Variants in FRMD4B observed in about 807,000 individuals in gnomAD.
FRMD4B encodes the protein FERM domain-containing protein 4B.
FRMD4B carries 74 observed loss-of-function variants against 141.5 expected under a neutral mutation model. That is an observed-to-expected ratio of 0.52 (90% confidence interval 0.43 to 0.63). The LOEUF (loss-of-function observed/expected upper bound fraction) is 0.63. FRMD4B is among the 30% of genes least tolerant of loss of function. The probability of loss-of-function intolerance (pLI) is 0.00; values close to 1 mark genes in which losing one functional copy is unlikely to be tolerated. For synonymous variants in FRMD4B, 506 were observed against 467.9 expected (o/e 1.08, Z -1.05); for missense variants, 1,366 against 1,253.4 (o/e 1.09, Z -1.36).
At chr3:69,370,262 C>T (rs1046717104) in intron 1 of FRMD4B, among the ~76,000 whole-genome samples, 12 of 152,016 alleles carry the variant, frequency 7.9e-5, no homozygotes, top group African/African-American at 1.2e-4. Context: ...AGAGAGCAAA[C>T]GGTCTGAAAT....
chr3:69,317,636 T>C (rs1268439738), intron 1 of FRMD4B, among the ~76,000 whole-genome samples: 1 of 150,578 alleles, frequency 6.6e-6, no homozygotes, highest in Non-Finnish European at 1.5e-5. Flanking sequence ...GCATCTGTAA[T>C]CCCAGCTACT....
intron 7 of FRMD4B, among the ~76,000 whole-genome samples, chr3:69,227,514 T>C (rs1056376315): frequency 2.6e-5 from 4 of 151,926 alleles, no homozygotes; most frequent in Non-Finnish European, 4.4e-5. Flanking sequence ...ATACAAAAAT[T>C]AGCCTGCTGT....
At chr3:69,420,552 C>A (rs1704957470) in intron 2 of FRMD4B, among the ~76,000 whole-genome samples, 1 of 151,994 alleles carries the variant, frequency 6.6e-6, no homozygotes, top group South Asian at 2.1e-4. Flanking sequence ...TATGCTAAAC[C>A]CCCTATTTCT....
intron 2 of FRMD4B, among the ~76,000 whole-genome samples, chr3:69,407,073 C>T (rs1038062929): frequency 6.6e-6 from 1 of 151,880 alleles, no homozygotes; most frequent in Admixed American, 6.6e-5. Context: ...AGTATTTGCA[C>T]CAGTGTTTGA....
chr3:69,310,871 G>T (rs1482641337), intron 3 of FRMD4B, among the ~76,000 whole-genome samples: 1 of 152,038 alleles, frequency 6.6e-6, no homozygotes, highest in Non-Finnish European at 1.5e-5. Flanking sequence ...CCACAAATTT[G>T]CCTTTAAGCT....
chr3:69,172,894 GGAA>G (rs1030685422), intron 22 of FRMD4B, among the ~76,000 whole-genome samples: 1 of 151,804 alleles, frequency 6.6e-6, no homozygotes, highest in African/African-American at 2.4e-5. Flanking sequence ...TAAAGTCTTT[GGAA>G]GAAGAGCTTT....
chr3:69,426,429 C>T (rs754048273), intron 2 of FRMD4B, among the ~76,000 whole-genome samples: 33 of 152,078 alleles, frequency 2.2e-4, no homozygotes, highest in East Asian at 5.8e-4. Flanking sequence ...AAGGAATTTA[C>T]GACTTAGCCT....
intron 5 of FRMD4B, among the ~76,000 whole-genome samples, chr3:69,262,459 CTTTTTTTTTTTTT>C (rs71618271): frequency 8.1e-5 from 7 of 86,854 alleles, no homozygotes; most frequent in Admixed American, 1.4e-4. Context: ...ACACAAATGA[CTTTTTTTTTTTTT>C]TTTTTTTTTT....
At chr3:69,435,421 G>A (rs1465487875) in intron 1 of FRMD4B, among the ~76,000 whole-genome samples, 1 of 151,784 alleles carries the variant, frequency 6.6e-6, no homozygotes, top group East Asian at 1.9e-4. Flanking sequence ...TGTAAACCAA[G>A]CATCACAAGA....
At chr3:69,503,851 A>C (rs995752392) in intron 1 of FRMD4B, among the ~76,000 whole-genome samples, 2 of 152,194 alleles carry the variant, frequency 1.3e-5, no homozygotes, top group African/African-American at 4.8e-5. Context: ...CACCCATTAC[A>C]GCCTCACTGT....
At chr3:69,191,120 C>G (rs1017673561) in intron 17 of FRMD4B, among the ~76,000 whole-genome samples, 12 of 152,192 alleles carry the variant, frequency 7.9e-5, no homozygotes, top group Non-Finnish European at 1.8e-4. Flanking sequence ...TGGTATCCAT[C>G]AAATGTTAAA....
At chr3:69,518,197 T>A (rs1006333133) in intron 1 of FRMD4B, among the ~76,000 whole-genome samples, 7 of 152,198 alleles carry the variant, frequency 4.6e-5, no homozygotes, top group Non-Finnish European at 7.3e-5. Flanking sequence ...GTCAATTTCA[T>A]CAAATTATAT....
chr3:69,175,476 G>A (rs2092634242), intron 22 of FRMD4B, among the ~76,000 whole-genome samples: 1 of 152,134 alleles, frequency 6.6e-6, no homozygotes, highest in South Asian at 2.1e-4. Context: ...CAGACAAACA[G>A]GACAGCTGGC....
chr3:69,490,498 T>C (rs1029867679), intron 1 of FRMD4B, among the ~76,000 whole-genome samples: 2 of 152,172 alleles, frequency 1.3e-5, no homozygotes, highest in African/African-American at 4.8e-5. Flanking sequence ...GGTGCTTCCT[T>C]CTACTTGAAA....
chr3:69,437,515 G>A (rs1394211739), intron 1 of FRMD4B, among the ~76,000 whole-genome samples: 6 of 143,906 alleles, frequency 4.2e-5, no homozygotes, highest in Non-Finnish European at 7.5e-5. Context: ...ACTGTTATAT[G>A]TAGTATGTAT....
intron 1 of FRMD4B, among the ~76,000 whole-genome samples, chr3:69,517,058 T>C (rs908475227): frequency 1.3e-5 from 2 of 152,120 alleles, no homozygotes; most frequent in African/African-American, 2.4e-5. Flanking sequence ...TCTTTACACA[T>C]GAGGCCTTTG....
In FRMD4B at chr3:69,181,523, C is replaced by G. The variant is rs1410778307; in HGVS notation, c.2227G>C (p.Val743Leu). 6.2e-7 allele frequency: 1 copy of G among 1,613,826 alleles called. No homozygotes were observed. Residue 743 changes from valine to leucine, a missense_variant, in exon 21 of 23, where the codon GTG becomes CTG. Physicochemically the swap from Val to Leu is conservative, Grantham distance 32. Coordinates refer to ENST00000398540, the MANE Select transcript of FRMD4B (RefSeq NM_015123.3). ...TAATAGGGGCCGGTAACTGGTGTCA[C>G]ACAGTAATACTCTGTGCTTGATTGG... is the stretch of plus-strand genomic sequence containing the variant. ...TSQSSTEYYCVTPVTGPYYTT... is the reference protein window; with the variant it reads ...TSQSSTEYYCLTPVTGPYYTT...
intron 1 of FRMD4B, among the ~76,000 whole-genome samples, chr3:69,458,735 C>T (rs114850547): frequency 0.012 from 1,781 of 151,234 alleles, 32 homozygotes; most frequent in African/African-American, 0.041. Flanking sequence ...TAGAAAAACA[C>T]GCTTGTAATC....
At chr3:69,307,674 A>G (rs1701439997) in intron 3 of FRMD4B, among the ~76,000 whole-genome samples, 1 of 152,134 alleles carries the variant, frequency 6.6e-6, no homozygotes, top group South Asian at 2.1e-4. Flanking sequence ...AAGGTCTTAC[A>G]GTCTGAACCC....
Sources: gnomAD v4.1 joint callset for allele counts (sites outside exome capture counted in the v4.1 genomes callset) on GRCh38, gnomAD v4.1.1 for gene constraint, MANE v1.5 for transcripts, NCBI Gene and HGNC (gene_info 2026-07-23, HGNC 2026-07-21) for gene names.